RASEF: variants seen among roughly 807,000 people sequenced by gnomAD.
RASEF encodes the protein RAS and EF-hand domain containing.
A neutral mutation model predicts 90.1 loss-of-function variants in RASEF; 68 were observed. That is an observed-to-expected ratio of 0.75 (90% CI 0.62 to 0.92). The LOEUF (loss-of-function observed/expected upper bound fraction) is 0.92, where lower values mean the gene tolerates loss of function less well. Among genes scored for constraint, RASEF ranks in the 40% least tolerant of loss-of-function variants. The pLI is 0.00. For missense variants in RASEF, 949 were observed against 937.2 expected (o/e 1.01, Z -0.16); for synonymous variants, 331 against 345.2 (o/e 0.96, Z 0.46).
chr9:83,147,945 G>A, the RASEF span, among the ~76,000 whole-genome samples: 1 of 152,006 alleles, frequency 6.6e-6, no homozygotes, highest in African/African-American at 2.4e-5. Context: ...TCTCTGCTGT[G>A]CTGCTCTTCT....
chr9:83,113,807 G>A, the RASEF span, among the ~76,000 whole-genome samples: 4 of 152,150 alleles, frequency 2.6e-5, no homozygotes, highest in Non-Finnish European at 5.9e-5. Flanking sequence ...TGTTTATCAA[G>A]ACAATACGTG....
intron 1 of RASEF, among the ~76,000 whole-genome samples, chr9:83,045,594 C>T (rs946963084): frequency 6.6e-6 from 1 of 152,194 alleles, no homozygotes; most frequent in African/African-American, 2.4e-5. Flanking sequence ...TTTAGACCAA[C>T]ACAAAACCTT....
chr9:83,110,799 G>T, the RASEF span, among the ~76,000 whole-genome samples: 9 of 152,088 alleles, frequency 5.9e-5, no homozygotes, highest in Admixed American at 5.9e-4. Flanking sequence ...AAAGCCCCAA[G>T]AATTTCTTTC....
intron 1 of RASEF, among the ~76,000 whole-genome samples, chr9:83,043,682 A>G (rs933957888): frequency 6.6e-6 from 1 of 152,176 alleles, no homozygotes; most frequent in African/African-American, 2.4e-5. Context: ...TTTTGAAGTC[A>G]GCGAAGTTTA....
chr9:83,037,744 ATTTTTTTT>A (rs35483330), intron 1 of RASEF, among the ~76,000 whole-genome samples: 7 of 131,862 alleles, frequency 5.3e-5, no homozygotes, highest in Admixed American at 2.4e-4. Flanking sequence ...TAAATGTCCT[ATTTTTTTT>A]TTTTTTTTTT....
In RASEF at chr9:82,999,608, CT is replaced by C. The variant is rs764485968; in HGVS notation, c.1723+560del. Among the ~76,000 whole-genome samples the C allele has an allele frequency of 5.0e-3, 713 of 143,958 alleles. 1 individual carries two copies. Among genetic ancestry groups the C allele is most frequent in the South Asian group, 0.011 (48 of 4,486 alleles). 94.4% of individuals were successfully genotyped at this position (143,958 alleles called of 152,430 possible). ...TCTGATTGGCTAAGCAGATATCTCT[CT>C]TTTTTTTTTTTTGTGGCAGGGTCTC... On this transcript the variant is annotated intron_variant, in intron 12 of 16. Transcript: ENST00000376447.
chr9:83,008,819 T>G (rs1294675441), intron 6 of RASEF, among the ~76,000 whole-genome samples: 3 of 149,058 alleles, frequency 2.0e-5, no homozygotes, highest in Non-Finnish European at 4.5e-5. Context: ...ACTTCTGATA[T>G]TTTTTAGCTC....
At chr9:83,123,819 G>C in the RASEF span, among the ~76,000 whole-genome samples, 1 of 152,212 alleles carries the variant, frequency 6.6e-6, no homozygotes, top group South Asian at 2.1e-4. Context: ...ATGTAACATA[G>C]AATTTATCAT....
At chr9:83,150,201 T>C in the RASEF span, among the ~76,000 whole-genome samples, 1 of 151,774 alleles carries the variant, frequency 6.6e-6, no homozygotes, top group Non-Finnish European at 1.5e-5. Flanking sequence ...GAAGAGGGAG[T>C]GTGGAGCTGC....
At chr9:83,092,427 C>T in the RASEF span, among the ~76,000 whole-genome samples, 1 of 151,790 alleles carries the variant, frequency 6.6e-6, no homozygotes. Flanking sequence ...CTGGTGGGTT[C>T]GTGGTCTTGC....
At chr9:83,200,879 T>A in the RASEF span, 1 of 152,250 alleles carries the variant, frequency 6.6e-6, no homozygotes, top group Non-Finnish European at 1.5e-5. Context: ...AGTCTGGACA[T>A]GACCTCCAGC....
At chr9:83,193,323 CTAA>C in the RASEF span, among the ~76,000 whole-genome samples, 7 of 152,274 alleles carry the variant, frequency 4.6e-5, no homozygotes, top group African/African-American at 1.7e-4. Flanking sequence ...ACATCTTTGT[CTAA>C]AGTATAACTA....
chr9:83,152,702 G>A, the RASEF span, among the ~76,000 whole-genome samples: 1 of 150,520 alleles, frequency 6.6e-6, no homozygotes, highest in Non-Finnish European at 1.5e-5. Context: ...TTGATTCTCT[G>A]AATATATATG....
At chr9:83,146,198 C>A in the RASEF span, among the ~76,000 whole-genome samples, 38 of 151,116 alleles carry the variant, frequency 2.5e-4, no homozygotes, top group Non-Finnish European at 4.4e-4. Flanking sequence ...AACAGGGCAA[C>A]GATAAAAACA....
In RASEF at chr9:83,000,527, A is replaced by C. The variant is rs768611266; in HGVS notation, c.1481T>G (p.Val494Gly). 8.7e-6 allele frequency: 14 copies of C among 1,613,484 alleles called. No homozygotes were observed. Among genetic ancestry groups the C allele is most frequent in the Non-Finnish European group, 1.2e-5 (14 of 1,179,658 alleles). ...GGGCTTCCAGTCTAAGACGGAAGCC[A>C]CATCTTCTAAACCAAATGTCTCTTC... ...RDEETFGLEDVASVLDWKPQG... is the reference protein window; with the variant it reads ...RDEETFGLEDGASVLDWKPQG... The change falls in exon 11 of 17, where the codon GTG becomes GGG. Residue 494 changes from valine (V) to glycine (G), a missense_variant. By Grantham distance (109) the Val-to-Gly change is moderately radical. Coordinates refer to ENST00000376447, the MANE Select transcript of RASEF (RefSeq NM_152573.4).
rs980767345 is a variant in RASEF at position 83,030,845 on chromosome 9, TTTTC to T, written c.432-4928_432-4925del. ...AAATCTTCAGCACATTTTCTTTCTT[TTTTC>T]TTTCTTTCTCACTTTCTCAATTTCT... On this transcript the variant is annotated intron_variant, in intron 1 of 16. Coordinates refer to ENST00000376447, the MANE Select transcript of RASEF (RefSeq NM_152573.4). Among the ~76,000 whole-genome samples the T allele has an allele frequency of 4.6e-5, 7 of 152,302 alleles. No individual in the cohort carries two copies. In the South Asian group the frequency reaches 1.0e-3, roughly 23 times the overall value.
the RASEF span, among the ~76,000 whole-genome samples, chr9:83,143,856 C>T: frequency 1.3e-5 from 2 of 152,102 alleles, no homozygotes; most frequent in South Asian, 2.1e-4. Flanking sequence ...TACATATGCT[C>T]ATATGTTCAT....
Position 83,062,938 on chromosome 9 carries a change from G to A in RASEF, c.-71C>T, listed in dbSNP as rs1830244045. 1 of 1,348,368 alleles carries A rather than the reference G, an allele frequency of 7.4e-7. No homozygotes were observed. The highest frequency in any genetic ancestry group is 1.8e-5 in the South Asian group (1 of 56,582). 83.5% of individuals were successfully genotyped at this position (1,348,368 alleles called of 1,614,324 possible). A position where few individuals can be genotyped will look rare whatever the true frequency, so the allele number is the denominator to read the frequency against. ...CGCAGGGCCCTCCCTGGAAGGACGG[G>A]GCCACCTGCTGCCGCCGGGAGGCCC... On this transcript the variant is annotated 5_prime_UTR_variant, in exon 1 of 17. Coordinates refer to ENST00000376447, the MANE Select transcript of RASEF (RefSeq NM_152573.4).
the RASEF span, among the ~76,000 whole-genome samples, chr9:83,115,992 A>G: frequency 4.6e-5 from 7 of 152,214 alleles, no homozygotes; most frequent in African/African-American, 1.4e-4. Context: ...AAAGTATACC[A>G]TGCCTTTTTT....
Sources: gnomAD v4.1 joint callset for allele counts (sites outside exome capture counted in the v4.1 genomes callset) on GRCh38, gnomAD v4.1.1 for gene constraint, MANE v1.5 for transcripts, NCBI Gene and HGNC (gene_info 2026-07-23, HGNC 2026-07-21) for gene names.